TTLL7: variants seen among roughly 807,000 people sequenced by gnomAD.
TTLL7 encodes the protein tubulin polyglutamylase TTLL7.
A neutral mutation model predicts 120.2 loss-of-function variants in TTLL7; 53 were observed. The observed-to-expected ratio is 0.44, with a 90% CI of 0.35 to 0.55. The LOEUF (loss-of-function observed/expected upper bound fraction) is 0.55, where lower values mean the gene tolerates loss of function less well. Among genes scored for constraint, TTLL7 ranks in the 20% least tolerant of loss-of-function variants. The pLI, the probability that TTLL7 is intolerant of heterozygous loss-of-function variation, is 0.00. For synonymous variants in TTLL7, 353 were observed against 351.7 expected (o/e 1.00, Z -0.04); for missense variants, 803 against 1,054.7 (o/e 0.76, Z 3.31).
At chr1:83,980,017 C>A (rs1651814759) in intron 1 of TTLL7, 1 of 152,224 alleles carries the variant, frequency 6.6e-6, no homozygotes, top group South Asian at 2.1e-4. Flanking sequence ...AATGCTTGTG[C>A]AATTACTACA....
In TTLL7 at chr1:83,952,523, T is replaced by C. The variant is rs79998713; in HGVS notation, c.-176-136A>G. On this transcript the variant is annotated intron_variant, in intron 1 of 20. Transcript: ENST00000260505. ...CAACAAATAATTGTAAATCGGTTTA[T>C]TAAACCTTACGCAAAATGCCAAGTG... 7.3e-3 allele frequency: 2,012 copies of C among 274,758 alleles called. 35 individuals carry two copies. Among genetic ancestry groups the C allele is most frequent in the African/African-American group, 0.04 (1,821 of 45,492 alleles). 17.0% of individuals were successfully genotyped at this position (274,758 alleles called of 1,614,324 possible).
chr1:83,983,082 A>G (rs1284401372), intron 1 of TTLL7, among the ~76,000 whole-genome samples: 1 of 152,176 alleles, frequency 6.6e-6, no homozygotes, highest in African/African-American at 2.4e-5. Context: ...CTGTAATCCC[A>G]GCAGTTTGGG....
intron 10 of TTLL7, among the ~76,000 whole-genome samples, chr1:83,925,093 C>T (rs1444716886): frequency 6.6e-6 from 1 of 152,146 alleles, no homozygotes; most frequent in African/African-American, 2.4e-5. Context: ...TGCCCTTCTT[C>T]TCAAAACATA....
At chr1:83,884,638 C>T (rs1654816580) in intron 19 of TTLL7, among the ~76,000 whole-genome samples, 2 of 145,782 alleles carry the variant, frequency 1.4e-5, no homozygotes, top group Admixed American at 1.4e-4. Flanking sequence ...TTTCCAAACA[C>T]TGCATGTTCT....
In TTLL7 at chr1:83,890,372, C is replaced by A. The variant is rs369684657; in HGVS notation, c.2318G>T (p.Arg773Leu). The A allele has an allele frequency of 3.2e-5, 52 of 1,613,172 alleles. No individual in the cohort carries two copies. Among genetic ancestry groups the A allele is most frequent in the Non-Finnish European group, 4.4e-5 (52 of 1,179,560 alleles). ...LYRIFNRVFNRLLWSRGQGLW... is the reference protein window; with the variant it reads ...LYRIFNRVFNLLLWSRGQGLW... ...CCCTTGGCCACGACTCCAGAGTAAG[C>A]GATTAAAAACCCGGTTGAAAATCCG... The change falls in exon 19 of 21, where the codon CGC (arginine) becomes CTC (leucine). Residue 773 changes from arginine (R) to leucine (L), a missense_variant. This residue lies in a region of TTLL7 where 388 missense variants were observed against 450.4 expected (regional missense o/e 0.86). Coordinates refer to ENST00000260505, the MANE Select transcript of TTLL7 (RefSeq NM_024686.6).
rs560617525 is a variant in TTLL7, at chr1:83,987,830, T to C, written c.-177+11101A>G. Among the ~76,000 whole-genome samples the C allele has an allele frequency of 2.3e-4, 35 of 152,282 alleles. No homozygotes were observed. In the South Asian group the frequency reaches 6.8e-3, roughly 30 times the overall value. ...TTGATACCTAGAATATATAAAGAAC[T>C]ACAACTCAACAAGAAAAAATCAAAT... On this transcript the variant is annotated intron_variant, in intron 1 of 20. Coordinates refer to ENST00000260505, the MANE Select transcript of TTLL7 (RefSeq NM_024686.6).
chr1:83,966,133 A>C (rs915610159), intron 1 of TTLL7, among the ~76,000 whole-genome samples: 6 of 152,050 alleles, frequency 3.9e-5, no homozygotes, highest in Non-Finnish European at 7.4e-5. Flanking sequence ...ACAAAAGCAG[A>C]TGACTCTCCA....
intron 1 of TTLL7, among the ~76,000 whole-genome samples, chr1:83,984,945 G>A (rs1352314553): frequency 2.0e-5 from 3 of 151,362 alleles, no homozygotes; most frequent in Admixed American, 1.3e-4. Context: ...ATAAAATAAA[G>A]TCTTCTAAAA....
intron 14 of TTLL7, among the ~76,000 whole-genome samples, chr1:83,917,222 G>C (rs1204647767): frequency 6.6e-6 from 1 of 152,058 alleles, no homozygotes; most frequent in Non-Finnish European, 1.5e-5. Context: ...GCAAAAGACA[G>C]GGCTTCTAAT....
At chr1:83,890,261 T>C (rs1655354627) in intron 19 of TTLL7, 60 bp downstream of exon 19, 2 of 1,486,606 alleles carry the variant, frequency 1.3e-6, no homozygotes, top group African/African-American at 2.9e-5. Context: ...TTAGGATATC[T>C]CTATAACTAA....
chr1:83,888,370 T>A (rs1217078688), intron 19 of TTLL7, among the ~76,000 whole-genome samples: 1 of 151,982 alleles, frequency 6.6e-6, no homozygotes, highest in Non-Finnish European at 1.5e-5. Context: ...CAAATTATTC[T>A]CAGATTTCAA....
intron 17 of TTLL7, among the ~76,000 whole-genome samples, chr1:83,904,620 A>AGTTT (rs1657029805): frequency 1.3e-5 from 2 of 152,196 alleles, no homozygotes; most frequent in East Asian, 1.9e-4. Context: ...GGGCAACAGA[A>AGTTT]TGAGACTCTG....
In TTLL7 at chr1:83,956,268, T is replaced by TTTTA. The variant is rs200856042; in HGVS notation, c.-176-3885_-176-3882dup. Among the ~76,000 whole-genome samples, 1,225 of 150,448 alleles carry TTTTA rather than the reference T, an allele frequency of 8.1e-3. 10 individuals are homozygous for TTTTA. Among genetic ancestry groups the TTTTA allele is most frequent in the South Asian group, 0.014 (65 of 4,756 alleles). On this transcript the variant is annotated intron_variant, in intron 1 of 20. Transcript: ENST00000260505. ...CACCACAACAGGCTTTTATTATTAT[T>TTTTA]TTTATTTATTTATTTATGTATTTAT...
intron 18 of TTLL7, among the ~76,000 whole-genome samples, chr1:83,897,839 C>T (rs184468106): frequency 6.8e-6 from 1 of 146,612 alleles, no homozygotes; most frequent in South Asian, 2.1e-4. Flanking sequence ...TCTCTCTCCC[C>T]ATTATCTTCC....
chr1:83,873,866 G>C (rs897636460), intron 20 of TTLL7, among the ~76,000 whole-genome samples: 1 of 152,012 alleles, frequency 6.6e-6, no homozygotes, highest in Admixed American at 6.6e-5. Context: ...CAGGACCCCT[G>C]ATTTCCCCAG....
In TTLL7 at chr1:83,890,915, T is replaced by C. The variant is rs1571072835; in HGVS notation, c.2209-434A>G. Among the ~76,000 whole-genome samples the C allele has an allele frequency of 2.0e-5, 3 of 152,172 alleles. No homozygotes were observed. The South Asian group carries it at 6.2e-4, about 32-fold the overall frequency. On this transcript the variant is annotated intron_variant, in intron 18 of 20. Coordinates refer to ENST00000260505, the MANE Select transcript of TTLL7 (RefSeq NM_024686.6). ...GTAGAGATTTCAAAATTATAATCTT[T>C]ATGGATTAGATGAAGAAAAGATAAA...
intron 10 of TTLL7, among the ~76,000 whole-genome samples, chr1:83,925,949 C>T (rs1421893089): frequency 2.6e-5 from 4 of 151,800 alleles, no homozygotes; most frequent in African/African-American, 7.3e-5. Flanking sequence ...GGCGAAACCC[C>T]GTCTCTACTA....
chr1:83,892,916 A>AAAGAAAAAG (rs1553129407), intron 18 of TTLL7, among the ~76,000 whole-genome samples: 1 of 123,670 alleles, frequency 8.1e-6, no homozygotes, highest in East Asian at 2.2e-4. Context: ...AAAAAGAAAA[A>AAAGAAAAAG]AGAAAGAAAA....
At position 83,871,612 on chromosome 1, in the gene TTLL7, T is replaced by C. The variant is rs181713222; in HGVS notation, c.2544-1530A>G. On this transcript the variant is annotated intron_variant, in intron 20 of 20. Transcript: ENST00000260505. ...ACTTGACATTAGAATTCTCCAGGGA[T>C]AGGCCGGGCGCGGTGGCTCACGCCT... 3.9e-5 allele frequency among the ~76,000 whole-genome samples: 6 copies of C among 152,116 alleles called. No individual in the cohort carries two copies. In the East Asian group the frequency reaches 9.7e-4, roughly 25 times the overall value.
Sources: allele counts gnomAD v4.1 joint callset (sites outside exome capture counted in the v4.1 genomes callset), GRCh38; gene constraint gnomAD v4.1.1; regional missense constraint gnomAD v4.1.1; transcripts MANE v1.5; gene names NCBI Gene and HGNC (gene_info 2026-07-23, HGNC 2026-07-21).